The following C13orf42 variants were observed in gnomAD, a reference collection of about 807,000 sequenced individuals.
The protein encoded by C13orf42 is uncharacterized protein C13orf42.
At chr13:51,157,078 G>A (rs1315290273) in intron 1 of C13orf42, among the ~76,000 whole-genome samples, 1 of 152,206 alleles carries the variant, frequency 6.6e-6, no homozygotes, top group Non-Finnish European at 1.5e-5. Flanking sequence ...ATGTGCAGAT[G>A]TCCAGATCCA....
At chr13:51,090,483 G>A (rs1198501832) in intron 1 of C13orf42, among the ~76,000 whole-genome samples, 1 of 152,122 alleles carries the variant, frequency 6.6e-6, no homozygotes. Flanking sequence ...GTAATGCAAG[G>A]TCCATGGTGG....
intron 1 of C13orf42, among the ~76,000 whole-genome samples, chr13:51,118,773 T>A (rs986856136): frequency 5.9e-5 from 9 of 152,258 alleles, no homozygotes; most frequent in African/African-American, 2.2e-4. Flanking sequence ...AAATAGATGA[T>A]CTTGTAGCCT....
chr13:51,131,234 CAGAATTTGGA>C (rs965467457), intron 1 of C13orf42, among the ~76,000 whole-genome samples: 5 of 152,154 alleles, frequency 3.3e-5, no homozygotes, highest in African/African-American at 1.2e-4. Context: ...CTGATTCCTC[CAGAATTTGGA>C]AACTATTTGT....
Position 51,082,153 on chromosome 13 carries a change from T to A in C13orf42, c.*1998A>T, listed in dbSNP as rs933957163. 6.6e-6 allele frequency: 1 copy of A among 152,194 alleles called. No individual in the cohort carries two copies. 9.4% of individuals were successfully genotyped at this position (152,194 alleles called of 1,614,324 possible). A position where few individuals can be genotyped will look rare whatever the true frequency, so the allele number is the denominator to read the frequency against. On this transcript the variant is annotated 3_prime_UTR_variant, in exon 4 of 4. Coordinates refer to ENST00000563710, the MANE Select transcript of C13orf42 (RefSeq NM_001351589.3). ...TGAATTGACTTTTATTGTTTCAGAT[T>A]TCATTTATCTCAAACCCCACCAGAC...
rs192403432 is a variant in C13orf42, at chr13:51,086,337, A to C, written c.563-778T>G. 4.6e-4 allele frequency among the ~76,000 whole-genome samples: 70 copies of C among 152,108 alleles called. 1 individual carries two copies. Among genetic ancestry groups the C allele is most frequent in the African/African-American group, 1.6e-3 (66 of 41,486 alleles). ...AAAAACAAAAAAAAACAAAAAAAAA[A>C]ACAAGAAGACACAGATCTATATTTA... is the stretch of plus-strand genomic sequence containing the variant. On this transcript the variant is annotated intron_variant, in intron 2 of 3. Coordinates refer to ENST00000563710, the MANE Select transcript of C13orf42 (RefSeq NM_001351589.3).
chr13:51,153,630 CTTTTTTTTTTTTTTTTTTT>C (rs1206289963), intron 1 of C13orf42, among the ~76,000 whole-genome samples: 1 of 81,204 alleles, frequency 1.2e-5, no homozygotes, highest in African/African-American at 4.7e-5. Context: ...TGTTTTTTTT[CTTTTTTTTTTTTTTTTTTT>C]TTTTTTTGGA....
At chr13:51,158,623 G>A (rs1953840596) in intron 1 of C13orf42, among the ~76,000 whole-genome samples, 1 of 152,166 alleles carries the variant, frequency 6.6e-6, no homozygotes, top group Admixed American at 6.5e-5. Context: ...CTTCCAGCAG[G>A]GTCTGTCTCT....
At position 51,169,916 on chromosome 13, in the gene C13orf42, T is replaced by G. The variant is rs9596472; in HGVS notation, n.136+2337A>C. Among the ~76,000 whole-genome samples the G allele has an allele frequency of 2.6e-5, 4 of 152,198 alleles. No homozygotes were observed. In the South Asian group the frequency reaches 6.2e-4, roughly 24 times the overall value. ...GCCATCGCATCCCCTGTGACTTGCATGTATACGCCCAGATGGCCTGAAGTA... is the reference window on the plus strand; with the variant it reads ...GCCATCGCATCCCCTGTGACTTGCAGGTATACGCCCAGATGGCCTGAAGTA... On this transcript the variant is annotated intron_variant and non_coding_transcript_variant, in intron 1 of 4. Transcript: ENST00000433280.
At chr13:51,136,874 A>G (rs1953661746) in intron 1 of C13orf42, among the ~76,000 whole-genome samples, 1 of 152,206 alleles carries the variant, frequency 6.6e-6, no homozygotes, top group Middle Eastern at 3.2e-3. Flanking sequence ...AAGCACCGGG[A>G]ATATAGCTGT....
At chr13:51,088,112 AG>A (rs1953148951) in intron 1 of C13orf42, 37 bp from the exon 2 acceptor site, 6 of 398,548 alleles carry the variant, frequency 1.5e-5, no homozygotes, top group Non-Finnish European at 2.2e-5. Context: ...GAGTTGCCTG[AG>A]CCAGTAAGCC....
chr13:51,116,359 A>G (rs1294175035), intron 1 of C13orf42, among the ~76,000 whole-genome samples: 1 of 152,220 alleles, frequency 6.6e-6, no homozygotes, highest in East Asian at 1.9e-4. Context: ...ACAGGCAGTT[A>G]AAGGAGGGTC....
intron 1 of C13orf42, among the ~76,000 whole-genome samples, chr13:51,164,416 CT>C (rs1328168612): frequency 2.0e-5 from 3 of 152,316 alleles, no homozygotes; most frequent in East Asian, 3.9e-4. Context: ...AACCACAGCA[CT>C]TTGGGAAGTT....
chr13:51,156,345 T>C (rs1953824225), intron 1 of C13orf42, among the ~76,000 whole-genome samples: 1 of 152,206 alleles, frequency 6.6e-6, no homozygotes, highest in Non-Finnish European at 1.5e-5. Flanking sequence ...ATGTGCCAAG[T>C]GCATACTGTG....
rs1308054516 is a variant in C13orf42 at position 51,083,639 on chromosome 13, G to C, written c.*512C>G. On this transcript the variant is annotated 3_prime_UTR_variant, in exon 4 of 4. Coordinates refer to ENST00000563710, the MANE Select transcript of C13orf42 (RefSeq NM_001351589.3). ...GAAAACTCTGAAAAGAGAGCAAAAG[G>C]AGCTGCTTTCTCAACTGCATTCTGC... The C allele has an allele frequency of 6.6e-6, 1 of 151,712 alleles. No individual in the cohort carries two copies. The highest frequency in any genetic ancestry group is 6.6e-5 in the Admixed American group (1 of 15,240). The allele number at this position is 151,712 out of a possible 1,614,324, so 9.4% of individuals were successfully genotyped here. A position where few individuals can be genotyped will look rare whatever the true frequency, so the allele number is the denominator to read the frequency against.
chr13:51,110,469 A>G (rs1357115089), intron 1 of C13orf42, among the ~76,000 whole-genome samples: 1 of 152,188 alleles, frequency 6.6e-6, no homozygotes, highest in Non-Finnish European at 1.5e-5. Context: ...GAAACTACCA[A>G]TCAGGCACTA....
chr13:51,166,763 A>T lies in C13orf42; in HGVS notation n.136+5490T>A, dbSNP rs7327553. ...GTAGAATAAAGATGATTTCCAGGGC[A>T]AGTCTCAATTCCATATTCAAATATG... is the stretch of plus-strand genomic sequence containing the variant. On this transcript the variant is annotated intron_variant and non_coding_transcript_variant, in intron 1 of 4. Coordinates refer to the C13orf42 transcript ENST00000433280. Among the ~76,000 whole-genome samples the T allele has an allele frequency of 7.0e-3, 1,072 of 152,302 alleles. 5 individuals are homozygous for T. The highest frequency in any genetic ancestry group is 0.011 in the Non-Finnish European group (768 of 68,010).
At chr13:51,120,635 T>A (rs1288322200) in intron 1 of C13orf42, among the ~76,000 whole-genome samples, 1 of 152,192 alleles carries the variant, frequency 6.6e-6, no homozygotes, top group Non-Finnish European at 1.5e-5. Context: ...AGGCACCAGA[T>A]GTGGAGTTAG....
At chr13:51,171,295 C>A (rs917913650) in intron 1 of C13orf42, among the ~76,000 whole-genome samples, 5 of 152,138 alleles carry the variant, frequency 3.3e-5, no homozygotes, top group African/African-American at 1.2e-4. Flanking sequence ...GAAAATGGCA[C>A]TTTGAATTTT....
chr13:51,096,578 T>C (rs1337988159), intron 1 of C13orf42, among the ~76,000 whole-genome samples: 1 of 152,232 alleles, frequency 6.6e-6, no homozygotes, highest in East Asian at 1.9e-4. Flanking sequence ...CCCTACTATA[T>C]ACAATCATTT....
Sources: gnomAD v4.1 joint callset for allele counts (sites outside exome capture counted in the v4.1 genomes callset) on GRCh38, gnomAD v4.1.1 for gene constraint, MANE v1.5 for transcripts, NCBI Gene and HGNC (gene_info 2026-07-23, HGNC 2026-07-21) for gene names.